Variants in CACNB2 observed in about 807,000 individuals in gnomAD.
CACNB2 encodes the protein calcium voltage-gated channel auxiliary subunit beta 2, also known as voltage-dependent L-type calcium channel subunit beta-2.
Under a neutral mutation model 73.3 loss-of-function variants are expected in CACNB2, and 42 were observed. That is an observed-to-expected ratio of 0.57 (90% CI 0.45 to 0.74). The LOEUF is 0.74. CACNB2 is among the 30% of genes least tolerant of loss of function. CACNB2 has a pLI of 0.00. For synonymous variants in CACNB2, 348 were observed against 310.3 expected (o/e 1.12, Z -1.28); for missense variants, 940 against 853.0 (o/e 1.10, Z -1.27).
intron 2 of CACNB2, among the ~76,000 whole-genome samples, chr10:18,162,284 C>T (rs1443143504): frequency 6.6e-6 from 1 of 152,166 alleles, no homozygotes; most frequent in East Asian, 1.9e-4. Flanking sequence ...AAGAGCCTCA[C>T]TTAATGTTTC....
intron 4 of CACNB2, among the ~76,000 whole-genome samples, chr10:18,499,691 A>C (rs1176198872): frequency 1.3e-5 from 2 of 151,180 alleles, no homozygotes; most frequent in African/African-American, 2.4e-5. Context: ...AAGCACTAAG[A>C]ACCTAGAAGC....
chr10:18,362,870 C>T (rs184034495), intron 2 of CACNB2, among the ~76,000 whole-genome samples: 2 of 152,046 alleles, frequency 1.3e-5, no homozygotes, highest in East Asian at 3.9e-4. Flanking sequence ...ATCGCTGACA[C>T]TGCACTCCAG....
At chr10:18,236,314 A>G (rs1030544461) in intron 2 of CACNB2, among the ~76,000 whole-genome samples, 1 of 152,216 alleles carries the variant, frequency 6.6e-6, no homozygotes, top group Non-Finnish European at 1.5e-5. Context: ...ATCGGCTGCT[A>G]CAGTACCACC....
rs747658821 is a variant in CACNB2, at chr10:18,498,445, T to C, written c.424T>C (p.Phe142Leu). 6.8e-6 allele frequency: 11 copies of C among 1,614,028 alleles called. No homozygotes were observed. The highest frequency in any genetic ancestry group is 9.3e-6 in the Non-Finnish European group (11 of 1,179,980). ...TCCAGTGCCTGGCATGGCCATCTCATTCGAAGCAAAAGATTTTCTGCATGT... is the reference window on the plus strand; with the variant it reads ...TCCAGTGCCTGGCATGGCCATCTCACTCGAAGCAAAAGATTTTCTGCATGT... ...DVPVPGMAIS[F>L]EAKDFLHVKE... The change falls in exon 4 of 14, where the codon TTC (phenylalanine) becomes CTC (leucine). Residue 142 changes from phenylalanine to leucine, a missense_variant. Physicochemically the swap from Phe to Leu is conservative, Grantham distance 22. Transcript: ENST00000324631.
chr10:18,338,244 A>G (rs887733278), intron 2 of CACNB2, among the ~76,000 whole-genome samples: 3 of 152,260 alleles, frequency 2.0e-5, no homozygotes, highest in African/African-American at 7.2e-5. Context: ...TTTAAAATGT[A>G]TGAAGGACCT....
At position 18,250,533 on chromosome 10, in the gene CACNB2, C is replaced by CTT. The variant is rs368248510; in HGVS notation, c.213+99571_213+99572dup. Reference sequence around the variant, plus strand: ...TGCCTATTGTCAATTTTATCTCTCTCTTTTTTTTTTTTTTGAAAGTTGTCC... The same window carrying CTT: ...TGCCTATTGTCAATTTTATCTCTCTCTTTTTTTTTTTTTTTTGAAAGTTGTCC... On this transcript the variant is annotated intron_variant, in intron 2 of 13. Coordinates refer to ENST00000324631, the MANE Select transcript of CACNB2 (RefSeq NM_201596.3). Among the ~76,000 whole-genome samples, 10 of 145,762 alleles carry CTT rather than the reference C, an allele frequency of 6.9e-5. 1 individual carries two copies. In the South Asian group the frequency reaches 1.1e-3, roughly 16 times the overall value.
intron 2 of CACNB2, among the ~76,000 whole-genome samples, chr10:18,252,339 A>G (rs1253639289): frequency 6.6e-6 from 1 of 152,196 alleles, no homozygotes; most frequent in Non-Finnish European, 1.5e-5. Flanking sequence ...AGTGCCAAAC[A>G]GAGTCGTTCT....
At chr10:18,508,933 A>G (rs1258635454) in intron 6 of CACNB2, among the ~76,000 whole-genome samples, 1 of 152,206 alleles carries the variant, frequency 6.6e-6, no homozygotes, top group Middle Eastern at 3.2e-3. Context: ...ATAACATTCC[A>G]TTTTGTAGGC....
At chr10:18,401,020 G>A (rs751942206) in intron 2 of CACNB2, 49 of 1,614,124 alleles carry the variant, frequency 3.0e-5, no homozygotes, top group Non-Finnish European at 4.2e-5. Flanking sequence ...CGATAAAGGC[G>A]CTGTCTGGCT....
chr10:18,144,767 G>T (rs1385237209), intron 1 of CACNB2, among the ~76,000 whole-genome samples: 4 of 152,170 alleles, frequency 2.6e-5, no homozygotes, highest in African/African-American at 9.7e-5. Flanking sequence ...GATATGCTGG[G>T]TTAAACAAAT....
chr10:18,461,349 G>A (rs545865583), intron 3 of CACNB2, among the ~76,000 whole-genome samples: 74 of 152,246 alleles, frequency 4.9e-4, no homozygotes, highest in African/African-American at 1.8e-3. Context: ...TGCTGTAACA[G>A]ATCACTCTCT....
intron 3 of CACNB2, among the ~76,000 whole-genome samples, chr10:18,428,223 T>G (rs564239372): frequency 6.6e-6 from 1 of 152,314 alleles, no homozygotes; most frequent in South Asian, 2.1e-4. Flanking sequence ...TTTTTTATTT[T>G]TTTAGTTTAG....
intron 2 of CACNB2, among the ~76,000 whole-genome samples, chr10:18,183,974 A>G (rs1290745055): frequency 7.2e-5 from 11 of 152,380 alleles, no homozygotes; most frequent in Admixed American, 2.6e-4. Context: ...AAACAATTAT[A>G]GTACCTATCT....
rs2130978235 is a variant in CACNB2 at position 18,140,717 on chromosome 10, T to C, written c.-20T>C. ...CGCCGCCGGGGGCTGGCTGCTTCGC[T>C]CCGAGCCGACTTTTCGCCAATGGTC... On this transcript the variant is annotated 5_prime_UTR_variant, in exon 1 of 14. Coordinates refer to ENST00000324631, the MANE Select transcript of CACNB2 (RefSeq NM_201596.3). 6.3e-7 allele frequency: 1 copy of C among 1,584,222 alleles called. No individual in the cohort carries two copies. The highest frequency in any genetic ancestry group is 2.3e-5 in the East Asian group (1 of 43,734).
chr10:18,316,456 CT>C (rs773573114), intron 2 of CACNB2, among the ~76,000 whole-genome samples: 1,392 of 107,218 alleles, frequency 0.013, 14 homozygotes, highest in Middle Eastern at 0.041. Context: ...TTCTTTTTTT[CT>C]TCCCCCCTCT....
chr10:18,430,352 T>C (rs1317551571), intron 3 of CACNB2, among the ~76,000 whole-genome samples: 1 of 152,208 alleles, frequency 6.6e-6, no homozygotes, highest in Admixed American at 6.5e-5. Context: ...TACATTTATT[T>C]TTATCCTCTT....
chr10:18,395,921 T>C (rs1298374333), intron 2 of CACNB2, among the ~76,000 whole-genome samples: 2 of 152,164 alleles, frequency 1.3e-5, no homozygotes, highest in Admixed American at 6.6e-5. Context: ...TTTCAGTGTT[T>C]AGAGTCAGGA....
Position 18,262,032 on chromosome 10 carries a change from G to A in CACNB2, c.213+111057G>A, listed in dbSNP as rs144967307. On this transcript the variant is annotated intron_variant, in intron 2 of 13. Coordinates refer to ENST00000324631, the MANE Select transcript of CACNB2 (RefSeq NM_201596.3). ...GGCTTGATTTTCATACTCCTTTTGC[G>A]AGCAGCTACTCTATTTTCAGGAAGG... The A allele has an allele frequency of 6.2e-5, 32 of 518,780 alleles. No individual in the cohort carries two copies. The East Asian group carries it at 1.3e-3, about 21-fold the overall frequency. The allele number at this position is 518,780 out of a possible 1,614,324, so 32.1% of individuals were successfully genotyped here. A position where few individuals can be genotyped will look rare whatever the true frequency, so the allele number is the denominator to read the frequency against.
chr10:18,241,245 A>C (rs1295779039), intron 2 of CACNB2, among the ~76,000 whole-genome samples: 3 of 152,214 alleles, frequency 2.0e-5, no homozygotes, highest in Non-Finnish European at 4.4e-5. Context: ...AGGCTGTGTC[A>C]TGGGCACACA....
Sources: gnomAD v4.1 joint callset for allele counts (sites outside exome capture counted in the v4.1 genomes callset) on GRCh38, gnomAD v4.1.1 for gene constraint, MANE v1.5 for transcripts, NCBI Gene and HGNC (gene_info 2026-07-23, HGNC 2026-07-21) for gene names.